Variants in CNKSR2 observed in about 807,000 individuals in gnomAD.
CNKSR2 encodes the protein CNK homolog protein 2.
A neutral mutation model predicts 84.4 loss-of-function variants in CNKSR2; 14 were observed. That is an observed-to-expected ratio of 0.17 (90% confidence interval 0.11 to 0.26). CNKSR2 has a LOEUF of 0.26. CNKSR2 is among the 10% of genes least tolerant of loss of function. The pLI is 1.00. For missense variants in CNKSR2, 485 were observed against 771.2 expected, an observed-to-expected ratio of 0.63 and a Z score of 4.40; for synonymous variants, 275 against 277.9, an observed-to-expected ratio of 0.99 and a Z score of 0.10.
intron 8 of CNKSR2, among the ~76,000 whole-genome samples, chrX:21,510,182 C>T (rs1014120502): frequency 5.4e-5 from 6 of 111,327 alleles, no homozygotes; most frequent in African/African-American, 1.6e-4. Flanking sequence ...TACATTACAT[C>T]CTGTGAGTAA....
chrX:21,489,967 CTT>C (rs1343763837), intron 5 of CNKSR2, among the ~76,000 whole-genome samples: 2 of 111,549 alleles, frequency 1.8e-5, no homozygotes, highest in African/African-American at 3.3e-5. Context: ...AGGTGGGAAA[CTT>C]TATACAAAGT....
At chrX:21,494,857 T>C (rs1453466082) in intron 6 of CNKSR2, 1 of 111,825 alleles carries the variant, frequency 8.9e-6, no homozygotes, top group Non-Finnish European at 1.9e-5. Flanking sequence ...CTTGACTACA[T>C]TGTGAATGCT....
At chrX:21,411,645 T>A (rs752585309) in intron 1 of CNKSR2, among the ~76,000 whole-genome samples, 1 of 110,978 alleles carries the variant, frequency 9.0e-6, no homozygotes, top group South Asian at 3.9e-4. Flanking sequence ...CCTCTTTGGC[T>A]AGTTAACTCC....
chrX:21,432,497 C>T (rs1836439806), intron 2 of CNKSR2, 115 bp from the exon 3 acceptor site: 2 of 524,213 alleles, frequency 3.8e-6, no homozygotes, highest in African/African-American at 4.8e-5. Context: ...CTATCTTATT[C>T]ATTTGTAACT....
chrX:21,567,795 GGTGTGTGTGTGTGT>G (rs58020537), intron 13 of CNKSR2, among the ~76,000 whole-genome samples: 43 of 90,135 alleles, frequency 4.8e-4, no homozygotes, highest in African/African-American at 1.5e-3. Flanking sequence ...GTTTTTGTGT[GGTGTGTGTGTGTGT>G]GTGTGTGTGT....
At chrX:21,577,658 T>C (rs2147222502) in intron 13 of CNKSR2, among the ~76,000 whole-genome samples, 1 of 110,637 alleles carries the variant, frequency 9.0e-6, no homozygotes, top group South Asian at 3.9e-4. Flanking sequence ...CCTACTCGTA[T>C]TACCTTGCCA....
At chrX:21,577,998 T>G (rs1015805532) in intron 13 of CNKSR2, among the ~76,000 whole-genome samples, 5 of 111,466 alleles carry the variant, frequency 4.5e-5, no homozygotes, top group Non-Finnish European at 9.4e-5. Context: ...TTAAATTGTT[T>G]GCAGCCATTA....
chrX:21,459,971 T>C (rs1161372644), intron 4 of CNKSR2, among the ~76,000 whole-genome samples: 2 of 111,810 alleles, frequency 1.8e-5, no homozygotes, highest in Non-Finnish European at 3.8e-5. Flanking sequence ...AAAACTCTTT[T>C]CTTGTCTCTG....
At chrX:21,565,677 AT>A (rs1276269391) in intron 13 of CNKSR2, among the ~76,000 whole-genome samples, 3 of 111,145 alleles carry the variant, frequency 2.7e-5, no homozygotes, top group Non-Finnish European at 5.7e-5. Flanking sequence ...AAGGCTGGGT[AT>A]TTCCTAACTC....
At chrX:21,484,628 T>A (rs1375634796) in intron 5 of CNKSR2, among the ~76,000 whole-genome samples, 18 of 111,901 alleles carry the variant, frequency 1.6e-4, no homozygotes, top group African/African-American at 5.8e-4. Context: ...AAAGCTTTTT[T>A]TAACCTTATC....
At chrX:21,606,662 A>G in intron 18 of CNKSR2, 117 bp from the exon 19 acceptor site, 1 of 446,211 alleles carries the variant, frequency 2.2e-6, no homozygotes, top group Non-Finnish European at 3.7e-6. Flanking sequence ...GTGCTGGGGA[A>G]CATGATGTTG....
At position 21,403,370 on chromosome X, in the gene CNKSR2, G is replaced by C. The variant is rs1450188854; in HGVS notation, c.65-23127G>C. Among the ~76,000 whole-genome samples, 4 of 111,415 alleles carry C rather than the reference G, an allele frequency of 3.6e-5. No individual in the cohort carries two copies. The Admixed American group carries it at 3.8e-4, about 11-fold the overall frequency. On this transcript the variant is annotated intron_variant, in intron 1 of 21. Transcript: ENST00000379510. ...GAGTAGACTCACTCCTAATTACCAT[G>C]ATTTGTTTATATACATTAACAAACA...
chrX:21,434,010 T>C (rs1210298872), intron 3 of CNKSR2, among the ~76,000 whole-genome samples: 2 of 111,081 alleles, frequency 1.8e-5, no homozygotes, highest in East Asian at 5.6e-4. Context: ...AATATATACA[T>C]TCCAAAAGTT....
intron 20 of CNKSR2, among the ~76,000 whole-genome samples, chrX:21,638,034 T>C (rs1296054869): frequency 8.9e-6 from 1 of 112,016 alleles, no homozygotes; most frequent in Non-Finnish European, 1.9e-5. Flanking sequence ...AATTGAGTTC[T>C]GTCTTAGAAC....
intron 17 of CNKSR2, among the ~76,000 whole-genome samples, chrX:21,600,889 C>G (rs1258362012): frequency 8.9e-6 from 1 of 112,130 alleles, no homozygotes; most frequent in Non-Finnish European, 1.9e-5. Context: ...ACTTTTTTCC[C>G]TCATCAGAAT....
chrX:21,642,172 T>C (rs2092693867), intron 20 of CNKSR2: 1 of 744,829 alleles, frequency 1.3e-6, no homozygotes, highest in Non-Finnish European at 1.6e-6. Flanking sequence ...ACAATTTGCT[T>C]TGAAACTTAC....
intron 11 of CNKSR2, among the ~76,000 whole-genome samples, chrX:21,555,453 A>C (rs1182733256): frequency 9.0e-6 from 1 of 111,277 alleles, no homozygotes; most frequent in African/African-American, 3.3e-5. Context: ...ATATGTTACC[A>C]TTATCCTTTA....
intron 5 of CNKSR2, among the ~76,000 whole-genome samples, chrX:21,484,879 TC>T (rs1339941451): frequency 8.9e-6 from 1 of 111,912 alleles, no homozygotes; most frequent in African/African-American, 3.2e-5. Context: ...TTTCTGCATT[TC>T]TTTTTTAAAA....
intron 20 of CNKSR2, among the ~76,000 whole-genome samples, 168 bp from the exon 21 acceptor site, chrX:21,648,663 T>C (rs2092712363): frequency 9.0e-6 from 1 of 110,784 alleles, no homozygotes; most frequent in Non-Finnish European, 1.9e-5. Context: ...TTTTTTAATA[T>C]AATAGTGTTC....
Sources: allele counts gnomAD v4.1 joint callset (sites outside exome capture counted in the v4.1 genomes callset), GRCh38; gene constraint gnomAD v4.1.1; transcripts MANE v1.5; gene names NCBI Gene and HGNC (gene_info 2026-07-23, HGNC 2026-07-21).